ALDH18A1: variants seen among roughly 807,000 people sequenced by gnomAD.
The protein encoded by ALDH18A1 is aldehyde dehydrogenase 18 family member A1.
Under a neutral mutation model 88.8 loss-of-function variants are expected in ALDH18A1, and 44 were observed. The ratio of observed to expected loss-of-function variants is 0.50; its 90% CI spans 0.39 to 0.64. The LOEUF (loss-of-function observed/expected upper bound fraction) is 0.64, where lower values mean the gene tolerates loss of function less well. Among genes scored for constraint, ALDH18A1 ranks in the 30% least tolerant of loss-of-function variants. The pLI is 0.00. For missense variants in ALDH18A1, 782 were observed against 1,009.5 expected (o/e 0.77, Z 3.05); for synonymous variants, 331 against 372.1 (o/e 0.89, Z 1.27).
At chr10:95,652,607 C>T (rs2139667675) in intron 2 of ALDH18A1, among the ~76,000 whole-genome samples, 1 of 152,116 alleles carries the variant, frequency 6.6e-6, no homozygotes, top group African/African-American at 2.4e-5. Flanking sequence ...TGGTGATGCA[C>T]ACCTGTAATC....
intron 3 of ALDH18A1, among the ~76,000 whole-genome samples, chr10:95,639,797 T>C (rs2097887918): frequency 6.6e-6 from 1 of 152,172 alleles, no homozygotes; most frequent in Non-Finnish European, 1.5e-5. Flanking sequence ...TTCCCCCTTG[T>C]AATTTTTTGT....
chr10:95,650,774 AAGAC>A (rs1000979341), intron 2 of ALDH18A1, among the ~76,000 whole-genome samples: 2 of 152,190 alleles, frequency 1.3e-5, no homozygotes, highest in African/African-American at 2.4e-5. Flanking sequence ...AAAATGGACT[AAGAC>A]AGGAAGATAT....
chr10:95,648,294 T>C (rs1040740184), intron 2 of ALDH18A1, among the ~76,000 whole-genome samples: 3 of 151,152 alleles, frequency 2.0e-5, no homozygotes, highest in Admixed American at 6.6e-5. Context: ...AGAGGAAAAA[T>C]AGTTTGAGCT....
intron 1 of ALDH18A1, among the ~76,000 whole-genome samples, chr10:95,655,738 CTG>C (rs2097917057): frequency 6.6e-6 from 1 of 151,686 alleles, no homozygotes; most frequent in Non-Finnish European, 1.5e-5. Context: ...ATTTGTGTGA[CTG>C]TGTCTCGACT....
In ALDH18A1 at chr10:95,643,170, G is replaced by C; in HGVS notation, c.125C>G (p.Ser42Cys). The change falls in exon 3 of 18, where the codon TCT (serine) becomes TGT (cysteine). Residue 42 changes from serine (S) to cysteine (C), a missense_variant. Physicochemically the swap from Ser to Cys is moderately radical, Grantham distance 112. Around this residue, in one of 3 missense-constraint regions of ALDH18A1, gnomAD observed 94 missense variants for 99.5 expected, o/e 0.94. Transcript: ENST00000371224. ...IQPSVIRHVR[S>C]WSNIPFITVP... ...AGTGATAAACGGGATGTTGCTCCAA[G>C]AACGAACATGTCTGATGACTGAAGG... 6.2e-7 allele frequency: 1 copy of C among 1,614,156 alleles called. No individual in the cohort carries two copies. Among genetic ancestry groups the C allele is most frequent in the South Asian group, 1.1e-5 (1 of 91,076 alleles).
At chr10:95,626,561 A>T in intron 10 of ALDH18A1, 142 bp downstream of exon 10, 1 of 778,334 alleles carries the variant, frequency 1.3e-6, no homozygotes, top group Non-Finnish European at 2.2e-6. Flanking sequence ...AAAAAGGCAG[A>T]GCAAATTTGA....
intron 3 of ALDH18A1, among the ~76,000 whole-genome samples, chr10:95,640,404 C>A (rs760351032): frequency 6.6e-6 from 1 of 150,730 alleles, no homozygotes; most frequent in East Asian, 2.0e-4. Context: ...TGCAGTGGTG[C>A]GATCTTGTCT....
At chr10:95,618,388 T>C (rs1378475955) in intron 12 of ALDH18A1, among the ~76,000 whole-genome samples, 1 of 152,212 alleles carries the variant, frequency 6.6e-6, no homozygotes, top group East Asian at 1.9e-4. Flanking sequence ...TGGCACGATC[T>C]CGACTCACTG....
chr10:95,615,257 A>G (rs553302300), intron 13 of ALDH18A1, among the ~76,000 whole-genome samples: 16 of 151,696 alleles, frequency 1.1e-4, no homozygotes, highest in Admixed American at 2.0e-4. Flanking sequence ...GCTTGAGCCT[A>G]GGAGGCTGAG....
intron 11 of ALDH18A1, 144 bp downstream of exon 11, chr10:95,625,218 C>T (rs1405118319): frequency 3.8e-6 from 3 of 783,718 alleles, no homozygotes; most frequent in Admixed American, 1.8e-5. Context: ...CACCCACCTA[C>T]CCTCAATAGA....
At chr10:95,619,518 T>C (rs1488260510) in intron 12 of ALDH18A1, among the ~76,000 whole-genome samples, 3 of 152,154 alleles carry the variant, frequency 2.0e-5, no homozygotes, top group Non-Finnish European at 4.4e-5. Flanking sequence ...GGAGGCATCA[T>C]GCTACCTGAC....
intron 1 of ALDH18A1, among the ~76,000 whole-genome samples, chr10:95,655,507 A>C (rs2097916504): frequency 6.6e-6 from 1 of 151,882 alleles, no homozygotes; most frequent in South Asian, 2.1e-4. Flanking sequence ...TTACCTCTCT[A>C]TTAACCAAGA....
At chr10:95,626,570 G>C in intron 10 of ALDH18A1, 133 bp downstream of exon 10, 1 of 837,112 alleles carries the variant, frequency 1.2e-6, no homozygotes, top group East Asian at 2.7e-5. Flanking sequence ...GAGCAAATTT[G>C]AATCAGACTT....
intron 11 of ALDH18A1, among the ~76,000 whole-genome samples, chr10:95,623,920 C>T (rs181646911): frequency 2.0e-5 from 3 of 148,976 alleles, no homozygotes; most frequent in East Asian, 4.0e-4. Context: ...AGGCTGGTCT[C>T]GAACTCATGA....
At chr10:95,650,840 A>C (rs2097909316) in intron 2 of ALDH18A1, among the ~76,000 whole-genome samples, 1 of 152,206 alleles carries the variant, frequency 6.6e-6, no homozygotes, top group Admixed American at 6.5e-5. Flanking sequence ...TTCCAATTCA[A>C]ACTGAGCTGA....
Position 95,616,497 on chromosome 10 carries a change from C to A in ALDH18A1, c.1585G>T (p.Val529Phe). 1 of 1,571,068 alleles carries A rather than the reference C, an allele frequency of 6.4e-7. No individual in the cohort carries two copies. Among genetic ancestry groups the A allele is most frequent in the Non-Finnish European group, 8.6e-7 (1 of 1,156,958 alleles). The change falls in exon 13 of 18, where the codon GTC (valine) becomes TTC (phenylalanine). Residue 529 changes from valine to phenylalanine, a missense_variant. Val to Phe is a conservative substitution (Grantham distance 50). Coordinates refer to ENST00000371224, the MANE Select transcript of ALDH18A1 (RefSeq NM_002860.4). ...CCTACCAGTTGCACGGCCTCCTTGA[C>A]TCCATGGATTGAGAGAGCCTCCTGG... ...LTQEALSIHG[V>F]KEAVQLVNTR...
At chr10:95,642,238 C>A (rs906162662) in intron 3 of ALDH18A1, among the ~76,000 whole-genome samples, 1 of 152,152 alleles carries the variant, frequency 6.6e-6, no homozygotes, top group Non-Finnish European at 1.5e-5. Context: ...CTCACGGCCA[C>A]GCTCATTCAT....
intron 12 of ALDH18A1, among the ~76,000 whole-genome samples, chr10:95,617,290 G>GTCT (rs1197887592): frequency 6.6e-6 from 1 of 152,192 alleles, no homozygotes; most frequent in African/African-American, 2.4e-5. Flanking sequence ...AGTGGCCAGG[G>GTCT]CCACATGGCA....
Position 95,633,499 on chromosome 10 carries a change from C to G in ALDH18A1, c.709G>C (p.Gly237Arg), listed in dbSNP as rs201841420. 6.2e-6 allele frequency: 10 copies of G among 1,614,016 alleles called. No individual in the cohort carries two copies. Among genetic ancestry groups the G allele is most frequent in the African/African-American group, 2.7e-5 (2 of 74,896 alleles). The change falls in exon 6 of 18, where the codon GGG becomes CGG. Residue 237 changes from glycine to arginine, a missense_variant. Coordinates refer to ENST00000371224, the MANE Select transcript of ALDH18A1 (RefSeq NM_002860.4). Reference protein sequence around the residue: ...PPAEPNSDLQGVNVISVKDND... With the variant: ...PPAEPNSDLQRVNVISVKDND... ...AGAAATACTTTACCCACATTTACCC[C>G]CTGCAGGTCACTGTTGGGCTCAGCT...
Sources: gnomAD v4.1 joint callset for allele counts (sites outside exome capture counted in the v4.1 genomes callset) on GRCh38, gnomAD v4.1.1 for gene constraint, gnomAD v4.1.1 regional missense constraint, MANE v1.5 for transcripts, NCBI Gene and HGNC (gene_info 2026-07-23, HGNC 2026-07-21) for gene names.